The following SATB2 variants were observed in gnomAD, a reference collection of about 807,000 sequenced individuals.
SATB2 encodes DNA-binding protein SATB2.
In SATB2, 1 loss-of-function variant was observed where a neutral mutation model predicts 73.4. That is an observed-to-expected ratio of 0.01 (90% CI 0.00 to 0.06). The LOEUF (loss-of-function observed/expected upper bound fraction) is 0.06, where lower values mean the gene tolerates loss of function less well. SATB2 is among the 10% of genes least tolerant of loss of function. SATB2 has a pLI of 1.00. For missense variants in SATB2, 459 were observed against 945.8 expected, an observed-to-expected ratio of 0.49 and a Z score of 6.75; for synonymous variants, 397 against 367.0, an observed-to-expected ratio of 1.08 and a Z score of -0.93.
At chr2:199,345,127 C>T (rs575282528) in intron 7 of SATB2, among the ~76,000 whole-genome samples, 20 of 152,108 alleles carry the variant, frequency 1.3e-4, no homozygotes, top group African/African-American at 4.6e-4. Context: ...GGGGCTGGTG[C>T]TGCTGCTGCT....
chr2:199,311,781 A>G (rs975922726), intron 9 of SATB2, among the ~76,000 whole-genome samples: 6 of 152,138 alleles, frequency 3.9e-5, no homozygotes, highest in African/African-American at 1.2e-4. Context: ...CTCACTTCCC[A>G]TCTCATGCAC....
chr2:199,295,587 C>T (rs1693006662), intron 10 of SATB2, among the ~76,000 whole-genome samples: 1 of 152,206 alleles, frequency 6.6e-6, no homozygotes, highest in African/African-American at 2.4e-5. Context: ...CATACTCTGA[C>T]TCTACTATAG....
At chr2:199,470,523 C>T (rs1044028635) in intron 1 of SATB2, 5 of 152,306 alleles carry the variant, frequency 3.3e-5, no homozygotes, top group East Asian at 1.9e-4. Flanking sequence ...GGGCAAGAAG[C>T]CTGGTGGCGG....
At chr2:199,295,704 A>G (rs1168085128) in intron 10 of SATB2, among the ~76,000 whole-genome samples, 1 of 152,152 alleles carries the variant, frequency 6.6e-6, no homozygotes, top group Non-Finnish European at 1.5e-5. Context: ...CCCAGCCCCA[A>G]AGTGATTATT....
rs764708410 is a variant in SATB2, at chr2:199,308,790, G to A, written c.1710C>T (p.His570=). The change falls in exon 10 of 11, where the codon CAC becomes CAT. Residue 570 remains histidine, a synonymous_variant. Transcript: ENST00000417098. This position sits in a 1 kb window ranked among gnomAD's most constrained non-coding sequence, Gnocchi z 4.6. The part of the protein sequence containing the change: ...SRHHHSERMQ[H]VVQLPPEPVQ... The stretch of plus-strand genomic sequence containing the variant: ...CCGGCTCAGGGGGAAGCTGGACCAC[G>A]TGTTGCATGCGTTCGCTGTGGTGAT... 6.2e-7 allele frequency: 1 copy of A among 1,614,106 alleles called. No individual in the cohort carries two copies. The highest frequency in any genetic ancestry group is 2.2e-5 in the East Asian group (1 of 44,866).
rs551325101 is a variant in SATB2 at position 199,429,345 on chromosome 2, C to T, written c.346+3993G>A. On this transcript the variant is annotated intron_variant, in intron 3 of 10. Coordinates refer to ENST00000417098, the MANE Select transcript of SATB2 (RefSeq NM_001172509.2). Reference sequence around the variant, plus strand: ...ACCTACTCTGCTGATTATTCTAATACATTGCCTTCATCCTTCTTCCATGCA... The same window carrying T: ...ACCTACTCTGCTGATTATTCTAATATATTGCCTTCATCCTTCTTCCATGCA... Among the ~76,000 whole-genome samples the T allele has an allele frequency of 1.7e-4, 26 of 152,290 alleles. No homozygotes were observed. In the South Asian group the frequency reaches 5.4e-3, roughly 32 times the overall value.
chr2:199,289,552 A>G (rs140292256), intron 10 of SATB2, among the ~76,000 whole-genome samples: 1 of 152,234 alleles, frequency 6.6e-6, no homozygotes, highest in African/African-American at 2.4e-5. Flanking sequence ...TTCTGAGCAT[A>G]TTTGCTTACC....
At chr2:199,334,564 CA>C (rs770361208) in intron 7 of SATB2, among the ~76,000 whole-genome samples, 95 of 142,232 alleles carry the variant, frequency 6.7e-4, no homozygotes, top group Middle Eastern at 3.6e-3. Context: ...CTTGAAATGT[CA>C]AAAAAAAAAA....
chr2:199,341,630 A>G (rs1574524414), intron 7 of SATB2, among the ~76,000 whole-genome samples: 1 of 152,232 alleles, frequency 6.6e-6, no homozygotes, highest in African/African-American at 2.4e-5. Context: ...GTTTTAAACA[A>G]TAATACTGAT....
At chr2:199,452,780 T>TC in intron 2 of SATB2, among the ~76,000 whole-genome samples, 1 of 152,030 alleles carries the variant, frequency 6.6e-6, no homozygotes. Flanking sequence ...CTTTTTTTTT[T>TC]CCTAAGGACC....
At chr2:199,449,271 CT>C (rs1224829573) in intron 2 of SATB2, among the ~76,000 whole-genome samples, 2 of 152,048 alleles carry the variant, frequency 1.3e-5, no homozygotes, top group African/African-American at 4.8e-5. Flanking sequence ...ATAAGTAAAA[CT>C]TTTTAATTGA....
At chr2:199,302,368 T>C (rs895717348) in intron 10 of SATB2, among the ~76,000 whole-genome samples, 2 of 152,180 alleles carry the variant, frequency 1.3e-5, no homozygotes, top group African/African-American at 4.8e-5. Flanking sequence ...AAATTTAAAA[T>C]TTTTGACATG....
At chr2:199,448,655 G>A (rs1263908967) in intron 2 of SATB2, among the ~76,000 whole-genome samples, 1 of 152,082 alleles carries the variant, frequency 6.6e-6, no homozygotes, top group Non-Finnish European at 1.5e-5. Flanking sequence ...ATCTGTGTAA[G>A]TCTTCAGTCA....
chr2:199,297,820 T>A (rs1358421871), intron 10 of SATB2, among the ~76,000 whole-genome samples: 2 of 151,186 alleles, frequency 1.3e-5, no homozygotes, highest in African/African-American at 4.8e-5. Context: ...AACAAAGCAC[T>A]AACCAACTTT....
intron 9 of SATB2, among the ~76,000 whole-genome samples, chr2:199,323,237 T>G (rs762319842): frequency 6.6e-6 from 1 of 152,148 alleles, no homozygotes; most frequent in Non-Finnish European, 1.5e-5. Context: ...TGTGTTTTTC[T>G]GTTAAAAGAT....
At chr2:199,456,160 T>A in intron 1 of SATB2, 64 bp from the exon 2 acceptor site, 1 of 934,916 alleles carries the variant, frequency 1.1e-6, no homozygotes, top group South Asian at 1.4e-5. Flanking sequence ...CTCATACACG[T>A]GATAGACGTT....
chr2:199,458,955 G>A (rs1024202078), upstream of SATB2, among the ~76,000 whole-genome samples: 5 of 152,104 alleles, frequency 3.3e-5, no homozygotes, highest in Non-Finnish European at 7.4e-5. Context: ...CCGAATGCCA[G>A]GAGCACGGCC....
chr2:199,308,222 G>A lies in SATB2; in HGVS notation c.1740+538C>T, dbSNP rs372696300. On this transcript the variant is annotated intron_variant, in intron 10 of 10. Transcript: ENST00000417098. This position sits in a 1 kb window ranked among gnomAD's most constrained non-coding sequence, Gnocchi z 4.6. Reference sequence around the variant, plus strand: ...AGGAAGGCAGATTTCTAAATGAGATGTAACCAAAGACAGCAAAAACTCATC... The same window carrying A: ...AGGAAGGCAGATTTCTAAATGAGATATAACCAAAGACAGCAAAAACTCATC... 4.6e-5 allele frequency among the ~76,000 whole-genome samples: 7 copies of A among 152,270 alleles called. No individual in the cohort carries two copies. The South Asian group carries it at 1.5e-3, about 32-fold the overall frequency.
At chr2:199,324,732 T>C (rs903293644) in intron 8 of SATB2, among the ~76,000 whole-genome samples, 10 of 152,086 alleles carry the variant, frequency 6.6e-5, no homozygotes, top group African/African-American at 2.4e-4. Flanking sequence ...ATCTACTTAA[T>C]CCAAAAGACG....
Sources: allele counts gnomAD v4.1 joint callset (sites outside exome capture counted in the v4.1 genomes callset), GRCh38; gene constraint gnomAD v4.1.1; non-coding constraint Gnocchi (gnomAD v3.1); transcripts MANE v1.5; gene names NCBI Gene and HGNC (gene_info 2026-07-23, HGNC 2026-07-21).